The following TOP3B variants were observed in gnomAD, a reference collection of about 807,000 sequenced individuals.
The protein encoded by TOP3B is DNA topoisomerase III beta.
TOP3B carries 45 observed loss-of-function variants against 93.9 expected under a neutral mutation model. The ratio of observed to expected loss-of-function variants is 0.48; its 90% CI spans 0.38 to 0.61. TOP3B has a LOEUF of 0.61. Ranked by LOEUF, TOP3B falls within the 20% of genes least tolerant of loss-of-function variation. The probability of loss-of-function intolerance (pLI) is 0.00; values close to 1 mark genes in which losing one functional copy is unlikely to be tolerated. For missense variants in TOP3B, 750 were observed against 1,156.1 expected (o/e 0.65, Z 5.09); for synonymous variants, 357 against 472.6 (o/e 0.76, Z 3.17).
In TOP3B at chr22:21,970,877, G is replaced by A. The variant is rs936222727; in HGVS notation, c.385-471C>T. On this transcript the variant is annotated intron_variant, in intron 5 of 17. Coordinates refer to ENST00000357179, the MANE Select transcript of TOP3B (RefSeq NM_001282112.2). This position sits in a 1 kb window ranked among gnomAD's most constrained non-coding sequence, Gnocchi z 4.4. ...GACAGGGAAGGAAAAAAGAATGAAG[G>A]GGAAAGGAAATGGGCAAGAGCAGGA... 5.4e-6 allele frequency: 3 copies of A among 556,474 alleles called. No individual in the cohort carries two copies. Among genetic ancestry groups the A allele is most frequent in the African/African-American group, 2.0e-5 (1 of 50,556 alleles). 34.5% of individuals were successfully genotyped at this position (556,474 alleles called of 1,614,324 possible).
At chr22:21,973,599 C>T (rs1363007744) in intron 3 of TOP3B, 1 of 152,108 alleles carries the variant, frequency 6.6e-6, no homozygotes, top group African/African-American at 2.4e-5. Context: ...CCCGGCTCCC[C>T]ACCTGCCAGT....
rs1420361188 is a variant in TOP3B at position 21,960,357 on chromosome 22, G to A, written c.1618C>T (p.Leu540Phe). The change falls in exon 14 of 18, where the codon CTC becomes TTC. Residue 540 changes from leucine to phenylalanine, a missense_variant. Coordinates refer to ENST00000357179, the MANE Select transcript of TOP3B (RefSeq NM_001282112.2). Reference sequence around the variant, plus strand: ...TAGCCGTGCACCAGGACGATGCCGAGGTTGGTGGGCTTGAGCCGGCGCCCG... The same window carrying A: ...TAGCCGTGCACCAGGACGATGCCGAAGTTGGTGGGCTTGAGCCGGCGCCCG... ...ESGRRLKPTNLGIVLVHGYYK... is the reference protein window; with the variant it reads ...ESGRRLKPTNFGIVLVHGYYK... 6.2e-7 allele frequency: 1 copy of A among 1,613,580 alleles called. No individual in the cohort carries two copies. The highest frequency in any genetic ancestry group is 1.3e-5 in the African/African-American group (1 of 74,914).
intron 8 of TOP3B, chr22:21,967,291 G>C (rs2071450551): frequency 3.2e-6 from 1 of 315,386 alleles, no homozygotes; most frequent in South Asian, 4.4e-5. Flanking sequence ...GTGAAATGGA[G>C]TCCTGCCACA....
intron 1 of TOP3B, among the ~76,000 whole-genome samples, chr22:21,978,618 AG>A (rs1046823634): frequency 1.3e-5 from 2 of 152,026 alleles, no homozygotes; most frequent in Non-Finnish European, 2.9e-5. Flanking sequence ...AGGAGGGGTA[AG>A]GTCCTGAAAG....
In TOP3B at chr22:21,975,796, C is replaced by A; in HGVS notation, c.-87G>T. On this transcript the variant is annotated 5_prime_UTR_variant, in exon 2 of 18. Coordinates refer to ENST00000357179, the MANE Select transcript of TOP3B (RefSeq NM_001282112.2). ...CTCTTCCGCAGCACAGCACTATTAC[C>A]AATGCTGACTCCTAAAGAGAAGAAA... is the stretch of plus-strand genomic sequence containing the variant. 1 of 1,485,472 alleles carries A rather than the reference C, an allele frequency of 6.7e-7. No homozygotes were observed. The highest frequency in any genetic ancestry group is 9.0e-7 in the Non-Finnish European group (1 of 1,107,410). 92.0% of individuals were successfully genotyped at this position (1,485,472 alleles called of 1,614,324 possible). A position where few individuals can be genotyped will look rare whatever the true frequency, so the allele number is the denominator to read the frequency against.
In TOP3B at chr22:21,970,868, A is replaced by C. The variant is rs1239986772; in HGVS notation, c.385-462T>G. ...TGAAGAAAAGACAGGGAAGGAAAAA[A>C]GAATGAAGGGGAAAGGAAATGGGCA... On this transcript the variant is annotated intron_variant, in intron 5 of 17. Coordinates refer to ENST00000357179, the MANE Select transcript of TOP3B (RefSeq NM_001282112.2). This position sits in a 1 kb window ranked among gnomAD's most constrained non-coding sequence, Gnocchi z 4.4. 1 of 512,504 alleles carries C rather than the reference A, an allele frequency of 2.0e-6. No homozygotes were observed. The highest frequency in any genetic ancestry group is 2.8e-6 in the Non-Finnish European group (1 of 355,952). The allele number at this position is 512,504 out of a possible 1,614,324, so 31.7% of individuals were successfully genotyped here.
intron 3 of TOP3B, chr22:21,973,201 T>C (rs1601853609): frequency 5.2e-6 from 1 of 191,344 alleles, no homozygotes; most frequent in Non-Finnish European, 1.1e-5. Context: ...TTGAGCCTCA[T>C]GCCCAGCACA....
chr22:21,968,856 C>A, intron 6 of TOP3B, 81 bp from the exon 7 acceptor site: 1 of 1,516,040 alleles, frequency 6.6e-7, no homozygotes, highest in Non-Finnish European at 9.1e-7. Flanking sequence ...CAGCCCAAGG[C>A]CAGGGGTGGT....
Position 21,967,732 on chromosome 22 carries a change from T to C in TOP3B, c.739-16A>G. On this transcript the variant is annotated splice_polypyrimidine_tract_variant and intron_variant, in intron 7 of 17. Coordinates refer to ENST00000357179, the MANE Select transcript of TOP3B (RefSeq NM_001282112.2). Reference sequence around the variant, plus strand: ...CAGTGTTAACCTGCAGGAAAAAGGATAAAGGGTGAACGCACAAGAAAAAGT... The same window carrying C: ...CAGTGTTAACCTGCAGGAAAAAGGACAAAGGGTGAACGCACAAGAAAAAGT... The C allele has an allele frequency of 1.2e-6, 2 of 1,601,368 alleles. No individual in the cohort carries two copies. The highest frequency in any genetic ancestry group is 1.7e-6 in the Non-Finnish European group (2 of 1,169,078).
rs1179083401 is a variant in TOP3B at position 21,963,810 on chromosome 22, G to A, written c.1204+113C>T. 12 of 1,101,800 alleles carry A rather than the reference G, an allele frequency of 1.1e-5. No homozygotes were observed. The African/African-American group carries it at 1.9e-4, about 17-fold the overall frequency. The allele number at this position is 1,101,800 out of a possible 1,614,324, so 68.3% of individuals were successfully genotyped here. A position where few individuals can be genotyped will look rare whatever the true frequency, so the allele number is the denominator to read the frequency against. On this transcript the variant is annotated intron_variant, in intron 11 of 17. Coordinates refer to ENST00000357179, the MANE Select transcript of TOP3B (RefSeq NM_001282112.2). This position sits in a 1 kb window ranked among gnomAD's most constrained non-coding sequence, Gnocchi z 4.8. ...GGTGGCCCCCCATCCCCACAGCCAG[G>A]GCAGGCAGAGGCTGAAGGAGCCCCC...
intron 15 of TOP3B, 78 bp downstream of exon 15, chr22:21,959,509 G>A: frequency 6.5e-7 from 1 of 1,528,576 alleles, no homozygotes; most frequent in Non-Finnish European, 8.8e-7. Context: ...CCCACGTGGG[G>A]ACCTGGGTCC....
intron 15 of TOP3B, 134 bp from the exon 16 acceptor site, chr22:21,959,366 G>A: frequency 6.7e-7 from 1 of 1,502,312 alleles, no homozygotes; most frequent in East Asian, 2.4e-5. Context: ...AGCACGGCAG[G>A]GCAGCAGCCC....
In TOP3B at chr22:21,970,304, C is replaced by A. The variant is rs1421297146; in HGVS notation, c.487G>T (p.Ala163Ser). The change falls in exon 6 of 18, where the codon GCC (alanine) becomes TCC (serine). Residue 163 changes from alanine to serine, a missense_variant. Coordinates refer to ENST00000357179, the MANE Select transcript of TOP3B (RefSeq NM_001282112.2). The surrounding 1 kb of genome is among the most constrained non-coding windows in gnomAD (Gnocchi z 4.4). ...SSITDTDICN[A>S]MACLGEPDHN... ...TCAGGCTCGCCTAGGCAGGCCATGG[C>A]ATTACAGATGTCTGTGTCCGTGATG... The A allele has an allele frequency of 1.2e-6, 2 of 1,614,104 alleles. No homozygotes were observed. The highest frequency in any genetic ancestry group is 1.7e-6 in the Non-Finnish European group (2 of 1,180,020).
intron 4 of TOP3B, 121 bp from the exon 5 acceptor site, chr22:21,972,072 G>C: frequency 1.3e-6 from 1 of 764,942 alleles, no homozygotes; most frequent in Non-Finnish European, 2.1e-6. Context: ...AGGAGGACTG[G>C]TACCTGGGCT....
chr22:21,958,789 C>T, intron 16 of TOP3B, 96 bp from the exon 17 acceptor site: 1 of 1,448,264 alleles, frequency 6.9e-7, no homozygotes, highest in Admixed American at 2.5e-5. Context: ...TGTAATCTGT[C>T]ATGCAGAACC....
At chr22:21,972,576 C>T (rs2145868699) in intron 4 of TOP3B, 36 bp downstream of exon 4, 2 of 1,487,468 alleles carry the variant, frequency 1.3e-6, no homozygotes, top group Middle Eastern at 2.2e-4. Context: ...GGGTGGGGAG[C>T]CCCGGTGTGC....
Position 21,975,703 on chromosome 22 carries a change from T to C in TOP3B, c.7A>G (p.Thr3Ala), listed in dbSNP as rs754531197. Residue 3 changes from threonine to alanine, a missense_variant, in exon 2 of 18, where the codon ACT (threonine) becomes GCT (alanine). Coordinates refer to ENST00000357179, the MANE Select transcript of TOP3B (RefSeq NM_001282112.2). ...GGCTTTTCAGCAACCATGAGCACAG[T>C]CTTCATTTTGTCTCGGTCCTTCACA... MK[T>A]VLMVAEKPSL... The C allele has an allele frequency of 1.1e-5, 17 of 1,610,064 alleles. No homozygotes were observed. The highest frequency in any genetic ancestry group is 2.2e-5 in the East Asian group (1 of 44,760).
chr22:21,959,778 A>G (rs553154554), intron 14 of TOP3B, 42 bp from the exon 15 acceptor site: 1 of 1,591,546 alleles, frequency 6.3e-7, no homozygotes, highest in South Asian at 1.1e-5. Context: ...GAGCACTCGC[A>G]CCCAGGGCCA....
Position 21,970,154 on chromosome 22 carries a change from T to TAG in TOP3B, c.581+55_581+56insCT. ...CCGGAGGGGGACCAGTAGAGGCAGG[T>TAG]CTCTGGCTGAGGGAGAGTGAGGGTG... On this transcript the variant is annotated intron_variant, in intron 6 of 17. Coordinates refer to ENST00000357179, the MANE Select transcript of TOP3B (RefSeq NM_001282112.2). This position sits in a 1 kb window ranked among gnomAD's most constrained non-coding sequence, Gnocchi z 4.4. The TAG allele has an allele frequency of 1.1e-5, 17 of 1,574,688 alleles. No homozygotes were observed. Among genetic ancestry groups the TAG allele is most frequent in the Non-Finnish European group, 1.5e-5 (17 of 1,163,072 alleles).
Sources: gnomAD v4.1 joint callset for allele counts (sites outside exome capture counted in the v4.1 genomes callset) on GRCh38, gnomAD v4.1.1 for gene constraint, Gnocchi (gnomAD v3.1) non-coding constraint, MANE v1.5 for transcripts, NCBI Gene and HGNC (gene_info 2026-07-23, HGNC 2026-07-21) for gene names.